Variants in HMGA2 observed in about 807,000 individuals in gnomAD.
The protein encoded by HMGA2 is high mobility group protein HMGI-C.
Under a neutral mutation model 19.1 loss-of-function variants are expected in HMGA2, and 8 were observed. The ratio of observed to expected loss-of-function variants is 0.42; its 90% confidence interval spans 0.25 to 0.76. The LOEUF (loss-of-function observed/expected upper bound fraction) is 0.76. HMGA2 is among the 30% of genes least tolerant of loss of function. HMGA2 has a pLI of 0.28. For synonymous variants in HMGA2, 60 were observed against 48.8 expected (o/e 1.23, Z -0.96); for missense variants, 109 against 136.3 (o/e 0.80, Z 1.00).
At position 65,924,486 on chromosome 12, in the gene HMGA2, G is replaced by A. The variant is rs549968235; in HGVS notation, c.250-26897G>A. 3.9e-5 allele frequency among the ~76,000 whole-genome samples: 6 copies of A among 152,012 alleles called. No homozygotes were observed. The South Asian group carries it at 8.3e-4, about 21-fold the overall frequency. On this transcript the variant is annotated intron_variant, in intron 3 of 4. Coordinates refer to ENST00000403681, the MANE Select transcript of HMGA2 (RefSeq NM_003483.6). ...ACACACAGACACACACATCCCTGAA[G>A]TCACTCTAAATATCAGTAATTATGA... is the stretch of plus-strand genomic sequence containing the variant.
chr12:65,917,785 T>G (rs1245981143), intron 3 of HMGA2, among the ~76,000 whole-genome samples: 1 of 152,240 alleles, frequency 6.6e-6, no homozygotes, highest in Non-Finnish European at 1.5e-5. Flanking sequence ...TCTAGTTGTT[T>G]CTTTGACATT....
chr12:65,905,205 C>G (rs1223028950), intron 3 of HMGA2, among the ~76,000 whole-genome samples: 1 of 151,886 alleles, frequency 6.6e-6, no homozygotes, highest in East Asian at 1.9e-4. Context: ...CACACACACA[C>G]ATAATAGAAA....
At chr12:65,903,694 A>G (rs1874467755) in intron 3 of HMGA2, among the ~76,000 whole-genome samples, 1 of 152,170 alleles carries the variant, frequency 6.6e-6, no homozygotes, top group African/African-American at 2.4e-5. Flanking sequence ...GTATCCGTGG[A>G]CCTACAGAGG....
At chr12:65,850,945 C>T (rs141938948) in intron 3 of HMGA2, among the ~76,000 whole-genome samples, 133 of 152,308 alleles carry the variant, frequency 8.7e-4, no homozygotes, top group African/African-American at 2.9e-3. Flanking sequence ...TCTCCTTTTA[C>T]GGTTCTTAGT....
At chr12:65,886,579 G>A (rs1873666617) in intron 3 of HMGA2, among the ~76,000 whole-genome samples, 2 of 151,746 alleles carry the variant, frequency 1.3e-5, no homozygotes, top group South Asian at 2.1e-4. Flanking sequence ...GGCTGGTCTC[G>A]AACTCCTGAC....
intron 3 of HMGA2, among the ~76,000 whole-genome samples, chr12:65,890,839 T>C (rs1215065928): frequency 2.0e-5 from 3 of 151,952 alleles, no homozygotes; most frequent in Non-Finnish European, 4.4e-5. Context: ...TTCTCCTGCC[T>C]CAGCCTCCTG....
chr12:65,887,493 G>A lies in HMGA2; in HGVS notation c.249+48924G>A, dbSNP rs190669999. Among the ~76,000 whole-genome samples, 5 of 152,226 alleles carry A rather than the reference G, an allele frequency of 3.3e-5. No individual in the cohort carries two copies. In the East Asian group the frequency reaches 5.8e-4, roughly 18 times the overall value. Reference sequence around the variant, plus strand: ...CCCAGTACTTTGGGAGGCTGAGGCCGGTGGATCACTTGAGGTCAGGAGTTC... The same window carrying A: ...CCCAGTACTTTGGGAGGCTGAGGCCAGTGGATCACTTGAGGTCAGGAGTTC... On this transcript the variant is annotated intron_variant, in intron 3 of 4. Transcript: ENST00000403681.
At chr12:65,889,828 G>A (rs146872966) in intron 3 of HMGA2, among the ~76,000 whole-genome samples, 11 of 152,330 alleles carry the variant, frequency 7.2e-5, no homozygotes, top group South Asian at 2.1e-4. Flanking sequence ...AATAGCTGAT[G>A]AATGAAAGAG....
chr12:65,909,341 A>G (rs1429964958), intron 3 of HMGA2, among the ~76,000 whole-genome samples: 1 of 152,148 alleles, frequency 6.6e-6, no homozygotes, highest in East Asian at 1.9e-4. Context: ...TGTGCCCTGC[A>G]GGCAGGAAAT....
intron 3 of HMGA2, among the ~76,000 whole-genome samples, chr12:65,878,145 A>G (rs551977681): frequency 6.6e-6 from 1 of 152,322 alleles, no homozygotes; most frequent in South Asian, 2.1e-4. Context: ...CATCCCCACT[A>G]TGAACCCCAT....
chr12:65,847,186 A>T (rs767899475), intron 3 of HMGA2, among the ~76,000 whole-genome samples: 2 of 152,178 alleles, frequency 1.3e-5, no homozygotes, highest in Non-Finnish European at 2.9e-5. Flanking sequence ...GCAAATATAT[A>T]AGCTAATACA....
At chr12:65,928,857 G>A (rs1345169649) in intron 3 of HMGA2, among the ~76,000 whole-genome samples, 1 of 152,090 alleles carries the variant, frequency 6.6e-6, no homozygotes, top group Non-Finnish European at 1.5e-5. Flanking sequence ...ATTATGTGGT[G>A]CATGGCTGTA....
chr12:65,936,271 A>G (rs1230692036), intron 3 of HMGA2, among the ~76,000 whole-genome samples: 1 of 151,008 alleles, frequency 6.6e-6, no homozygotes, highest in South Asian at 2.1e-4. Context: ...TCCACAAATC[A>G]AGTACTTTAA....
rs879626036 is a variant in HMGA2, at chr12:65,945,039, AT to A, written c.250-6331del. ...ATGTGCCAACATGCTTAGCCCTAAGATTTTTTTTTTTTTACTTAACCTCCCC... is the reference window on the plus strand; with the variant it reads ...ATGTGCCAACATGCTTAGCCCTAAGATTTTTTTTTTTTACTTAACCTCCCC... On this transcript the variant is annotated intron_variant, in intron 3 of 4. Transcript: ENST00000403681. Among the ~76,000 whole-genome samples the A allele has an allele frequency of 3.4e-3, 493 of 144,290 alleles. 1 individual carries two copies. The highest frequency in any genetic ancestry group is 4.8e-3 in the Non-Finnish European group (314 of 65,268). The allele number at this position is 144,290 out of a possible 152,430, so 94.7% of individuals were successfully genotyped here. A position where few individuals can be genotyped will look rare whatever the true frequency, so the allele number is the denominator to read the frequency against.
intron 2 of HMGA2, among the ~76,000 whole-genome samples, chr12:65,829,269 G>A (rs1229431851): frequency 6.6e-6 from 1 of 151,874 alleles, no homozygotes; most frequent in Non-Finnish European, 1.5e-5. Flanking sequence ...GAGTTGAGGA[G>A]CATATTTTTA....
At chr12:65,960,777 T>A (rs1431966480) in intron 4 of HMGA2, among the ~76,000 whole-genome samples, 1 of 152,220 alleles carries the variant, frequency 6.6e-6, no homozygotes, top group Non-Finnish European at 1.5e-5. Flanking sequence ...AGCAGAAAGA[T>A]ACATTAATAA....
At chr12:65,867,497 C>A (rs1457435804) in intron 3 of HMGA2, 1 of 455,264 alleles carries the variant, frequency 2.2e-6, no homozygotes, top group South Asian at 1.6e-5. Flanking sequence ...AGCTACAGAA[C>A]TAATTACTGT....
In HMGA2 at chr12:65,873,796, C is replaced by T. The variant is rs535417741; in HGVS notation, c.249+35227C>T. On this transcript the variant is annotated intron_variant, in intron 3 of 4. Transcript: ENST00000403681. The stretch of plus-strand genomic sequence containing the variant: ...TCAAGTCTTGCTTGTGGTATTTGCC[C>T]GTGCTTGCACAAGAGTAACAATAAT... 20 of 152,234 alleles carry T rather than the reference C, an allele frequency of 1.3e-4. No homozygotes were observed. In the South Asian group the frequency reaches 2.3e-3, roughly 17 times the overall value. 9.4% of individuals were successfully genotyped at this position (152,234 alleles called of 1,614,324 possible). A position where few individuals can be genotyped will look rare whatever the true frequency, so the allele number is the denominator to read the frequency against.
At chr12:65,855,456 T>TCACACA (rs1377421146) in intron 3 of HMGA2, among the ~76,000 whole-genome samples, 100 of 52,894 alleles carry the variant, frequency 1.9e-3, no homozygotes, top group Admixed American at 3.4e-3. Context: ...TCTCTCTCTC[T>TCACACA]CTCACACACA....
Sources: gnomAD v4.1 joint callset for allele counts (sites outside exome capture counted in the v4.1 genomes callset) on GRCh38, gnomAD v4.1.1 for gene constraint, MANE v1.5 for transcripts, NCBI Gene and HGNC (gene_info 2026-07-23, HGNC 2026-07-21) for gene names.